Variants in TTC6 observed in about 807,000 individuals in gnomAD.
The protein encoded by TTC6 is tetratricopeptide repeat domain 6, also known as tetratricopeptide repeat protein 6.
Under a neutral mutation model 210.4 loss-of-function variants are expected in TTC6, and 172 were observed. The ratio of observed to expected loss-of-function variants is 0.82; its 90% CI spans 0.72 to 0.93. TTC6 has a LOEUF of 0.93. Among genes scored for constraint, TTC6 ranks in the 40% least tolerant of loss-of-function variants. The probability of loss-of-function intolerance (pLI) is 0.00; values close to 1 mark genes in which losing one functional copy is unlikely to be tolerated. For missense variants in TTC6, 2,414 were observed against 2,318.1 expected (o/e 1.04, Z -0.85); for synonymous variants, 804 against 819.6 (o/e 0.98, Z 0.32).
chr14:37,683,022 G>C (rs2095787311), intron 3 of TTC6, 58 bp downstream of exon 5: 20 of 1,490,568 alleles, frequency 1.3e-5, no homozygotes, highest in Non-Finnish European at 1.7e-5. Flanking sequence ...GGATGTGCAG[G>C]TGTGAAGAAT....
chr14:37,738,715 TTGAATGC>T, intron 9 of TTC6, 54 bp from the exon 12 acceptor site: 3 of 1,300,842 alleles, frequency 2.3e-6, no homozygotes, highest in Non-Finnish European at 3.0e-6. Flanking sequence ...TTAATTAATT[TTGAATGC>T]ATAGCAACTA....
chr14:37,753,422 G>A (rs1208030563), intron 14 of TTC6, among the ~76,000 whole-genome samples, 187 bp downstream of exon 16: 1 of 152,128 alleles, frequency 6.6e-6, no homozygotes, highest in African/African-American at 2.4e-5. Flanking sequence ...GGGCATAAAT[G>A]ACAATTTAAA....
At chr14:37,797,902 GTTC>G (rs2096096429) in intron 20 of TTC6, among the ~76,000 whole-genome samples, 1 of 151,950 alleles carries the variant, frequency 6.6e-6, no homozygotes, top group Non-Finnish European at 1.5e-5. Context: ...TTATTGAAAT[GTTC>G]TTCTTAACCC....
intron 15 of TTC6, among the ~76,000 whole-genome samples, chr14:37,789,253 G>A (rs1329707214): frequency 1.3e-5 from 2 of 152,092 alleles, no homozygotes; most frequent in Admixed American, 6.6e-5. Flanking sequence ...TAGGAGCTCG[G>A]TACTATTTTC....
At chr14:37,808,019 T>TTA (rs1370562936) in intron 23 of TTC6, among the ~76,000 whole-genome samples, 1 of 152,128 alleles carries the variant, frequency 6.6e-6, no homozygotes, top group Non-Finnish European at 1.5e-5. Context: ...TTTAATATAG[T>TTA]TATATACAAC....
chr14:37,804,648 C>T lies in TTC6; in HGVS notation c.4030-32C>T, dbSNP rs1208254830. 3.1e-6 allele frequency: 5 copies of T among 1,601,082 alleles called. No homozygotes were observed. The South Asian group carries it at 5.6e-5, about 18-fold the overall frequency. On this transcript the variant is annotated intron_variant, in intron 20 of 30. Coordinates refer to ENST00000553443, the Ensembl canonical transcript of TTC6. ...AAATCAATAGTGGAAAGAAACATTTCTTGCCCCCTCCCTGCTTTTTTATCA... is the reference window on the plus strand; with the variant it reads ...AAATCAATAGTGGAAAGAAACATTTTTTGCCCCCTCCCTGCTTTTTTATCA...
intron 14 of TTC6, among the ~76,000 whole-genome samples, chr14:37,757,325 A>T (rs1396467617): frequency 6.6e-6 from 1 of 151,860 alleles, no homozygotes; most frequent in East Asian, 1.9e-4. Context: ...CAGTGGCTCG[A>T]TCTTGGTTCA....
intron 26 of TTC6, among the ~76,000 whole-genome samples, chr14:37,819,003 G>T (rs1453426708): frequency 6.6e-6 from 1 of 152,118 alleles, no homozygotes; most frequent in Admixed American, 6.5e-5. Flanking sequence ...CTGTATGTCA[G>T]TTCACAATCT....
At chr14:37,652,737 C>T (rs902847477) in intron 1 of TTC6, among the ~76,000 whole-genome samples, 2 of 152,102 alleles carry the variant, frequency 1.3e-5, no homozygotes, top group Admixed American at 1.3e-4. Context: ...TTCCCCGCCT[C>T]CATTAAGAGA....
In TTC6 at chr14:37,739,404, C is replaced by T. The variant is rs141427421; in HGVS notation, c.2363+249C>T. 9.2e-3 allele frequency among the ~76,000 whole-genome samples: 1,393 copies of T among 151,590 alleles called. 80 individuals are homozygous for T. The highest frequency in any genetic ancestry group is 0.087 in the Admixed American group (1,326 of 15,216). On this transcript the variant is annotated intron_variant, in intron 10 of 30. Transcript: ENST00000553443. ...CCAGCCTGGCCAACATGGTGAAACC[C>T]CTCTCTACCAAAAATACAAAAATTA... is the stretch of plus-strand genomic sequence containing the variant.
chr14:37,736,261 G>A (rs1323655444), intron 8 of TTC6, among the ~76,000 whole-genome samples: 3 of 151,974 alleles, frequency 2.0e-5, no homozygotes, highest in African/African-American at 7.3e-5. Context: ...GGTGGCACGT[G>A]CCTGTATCTC....
chr14:37,795,708 G>A (rs1290281041), intron 18 of TTC6, among the ~76,000 whole-genome samples: 1 of 152,086 alleles, frequency 6.6e-6, no homozygotes, highest in South Asian at 2.1e-4. Flanking sequence ...ATAAGCATGT[G>A]TACTAAACAC....
intron 14 of TTC6, among the ~76,000 whole-genome samples, chr14:37,757,403 G>A (rs970206558): frequency 1.3e-5 from 2 of 152,000 alleles, no homozygotes; most frequent in African/African-American, 4.8e-5. Context: ...TGGGACTACA[G>A]GTGTCTGCCA....
intron 29 of TTC6, among the ~76,000 whole-genome samples, chr14:37,836,292 A>C (rs1053397965): frequency 6.6e-6 from 1 of 152,164 alleles, no homozygotes; most frequent in Non-Finnish European, 1.5e-5. Context: ...CTCAAAGATC[A>C]ATTGTCTCTA....
intron 1 of TTC6, among the ~76,000 whole-genome samples, chr14:37,600,489 C>T (rs1315160233): frequency 6.6e-5 from 10 of 152,062 alleles, no homozygotes; most frequent in Non-Finnish European, 1.0e-4. Flanking sequence ...AATCCACTCG[C>T]GCCCCTCCCC....
intron 1 of TTC6, among the ~76,000 whole-genome samples, chr14:37,635,831 TAGAC>T (rs1176439453): frequency 6.6e-6 from 1 of 151,556 alleles, no homozygotes; most frequent in East Asian, 1.9e-4. Flanking sequence ...ATACAAAAAT[TAGAC>T]AGGTGTGGTG....
At chr14:37,596,235 G>C (rs981516498) in intron 1 of TTC6, among the ~76,000 whole-genome samples, 1 of 152,228 alleles carries the variant, frequency 6.6e-6, no homozygotes, top group Non-Finnish European at 1.5e-5. Context: ...GGAGACGACC[G>C]TCTGGTTTCT....
chr14:37,653,582 CG>C lies in TTC6; in HGVS notation c.940-26565del, dbSNP rs1182731353. 6.7e-5 allele frequency among the ~76,000 whole-genome samples: 10 copies of C among 148,630 alleles called. No individual in the cohort carries two copies. In the South Asian group the frequency reaches 1.0e-3, roughly 15 times the overall value. ...AACACTTGCTGTCTTCTGCTATGGT[CG>C]GGGAGAGATGTTACTGGACTGTGTG... On this transcript the variant is annotated intron_variant, in intron 1 of 30. Coordinates refer to ENST00000553443, the Ensembl canonical transcript of TTC6.
At chr14:37,764,813 A>G (rs1307443779) in intron 14 of TTC6, among the ~76,000 whole-genome samples, 1 of 151,644 alleles carries the variant, frequency 6.6e-6, no homozygotes, top group African/African-American at 2.4e-5. Flanking sequence ...CCATTTTGCT[A>G]TTTGTTTTTC....
Sources: allele counts gnomAD v4.1 joint callset (sites outside exome capture counted in the v4.1 genomes callset), GRCh38; gene constraint gnomAD v4.1.1; transcripts MANE v1.5; gene names NCBI Gene and HGNC (gene_info 2026-07-23, HGNC 2026-07-21).